The following RANBP3L variants were observed in gnomAD, a reference collection of about 807,000 sequenced individuals.
RANBP3L encodes RAN binding protein 3 like, also known as ran-binding protein 3-like.
A neutral mutation model predicts 67.2 loss-of-function variants in RANBP3L; 56 were observed. That is an observed-to-expected ratio of 0.83 (90% CI 0.67 to 1.04). The LOEUF (loss-of-function observed/expected upper bound fraction) is 1.04, where lower values mean the gene tolerates loss of function less well. Ranked by LOEUF, RANBP3L falls within the 50% of genes least tolerant of loss-of-function variation. The pLI, the probability that RANBP3L is intolerant of heterozygous loss-of-function variation, is 0.00. For missense variants in RANBP3L, 496 were observed against 535.5 expected (o/e 0.93, Z 0.73); for synonymous variants, 164 against 181.4 (o/e 0.90, Z 0.77).
chr5:36,296,057 C>T (rs1457652759), intron 1 of RANBP3L, among the ~76,000 whole-genome samples: 1 of 152,186 alleles, frequency 6.6e-6, no homozygotes, highest in Non-Finnish European at 1.5e-5. Flanking sequence ...CACACCCTGA[C>T]TCTGTGGAAG....
At chr5:36,271,354 T>G in intron 1 of RANBP3L, 43 bp from the exon 2 acceptor site, 5 of 1,220,514 alleles carry the variant, frequency 4.1e-6, no homozygotes, top group Non-Finnish European at 6.0e-6. Context: ...AAGCATACTC[T>G]GACATTTCTT....
chr5:36,276,590 CT>C (rs201825007), intron 1 of RANBP3L, among the ~76,000 whole-genome samples: 23 of 151,470 alleles, frequency 1.5e-4, no homozygotes, highest in East Asian at 1.9e-4. Flanking sequence ...TTACAATAAA[CT>C]TTTTTTTTCT....
At chr5:36,270,299 G>A (rs566199415) in intron 2 of RANBP3L, among the ~76,000 whole-genome samples, 174 of 152,272 alleles carry the variant, frequency 1.1e-3, no homozygotes, top group African/African-American at 4.0e-3. Flanking sequence ...AGTTTAAAAT[G>A]TGGATTTTGA....
At chr5:36,268,984 GCAGGTATGAGC>G (rs1750012730) in intron 4 of RANBP3L, among the ~76,000 whole-genome samples, 1 of 152,050 alleles carries the variant, frequency 6.6e-6, no homozygotes, top group Non-Finnish European at 1.5e-5. Flanking sequence ...TGCTGGGATT[GCAGGTATGAGC>G]CACCGCGCCC....
intron 1 of RANBP3L, among the ~76,000 whole-genome samples, chr5:36,278,968 T>C (rs1259874972): frequency 6.6e-6 from 1 of 152,174 alleles, no homozygotes; most frequent in African/African-American, 2.4e-5. Context: ...AAATTTAAGC[T>C]GGAAGCATAA....
intron 4 of RANBP3L, chr5:36,268,269 T>C: frequency 1.3e-6 from 2 of 1,524,170 alleles, no homozygotes; most frequent in Non-Finnish European, 1.8e-6. Flanking sequence ...AGGTTGACAC[T>C]AAAAGCAGAT....
chr5:36,277,309 T>C (rs1750641867), intron 1 of RANBP3L, among the ~76,000 whole-genome samples: 1 of 152,034 alleles, frequency 6.6e-6, no homozygotes, highest in South Asian at 2.1e-4. Context: ...TCTGGTTCTT[T>C]GGCTTGTCAA....
At chr5:36,296,692 G>T (rs899993518) in intron 1 of RANBP3L, among the ~76,000 whole-genome samples, 3 of 152,048 alleles carry the variant, frequency 2.0e-5, no homozygotes, top group African/African-American at 7.2e-5. Flanking sequence ...TGTCAGCTTG[G>T]CTGTTCCATG....
intron 12 of RANBP3L, among the ~76,000 whole-genome samples, chr5:36,252,928 T>C (rs1356466804): frequency 2.0e-5 from 3 of 152,134 alleles, no homozygotes; most frequent in African/African-American, 7.2e-5. Context: ...GAAGCCAATT[T>C]ATTTGTATTG....
At chr5:36,299,443 TG>T (rs1451674642) in intron 1 of RANBP3L, among the ~76,000 whole-genome samples, 2 of 151,878 alleles carry the variant, frequency 1.3e-5, no homozygotes, top group Non-Finnish European at 2.9e-5. Context: ...CAGGATAGCC[TG>T]GCTTAAAACA....
chr5:36,262,594 T>C (rs1749476483), intron 6 of RANBP3L, among the ~76,000 whole-genome samples: 1 of 152,116 alleles, frequency 6.6e-6, no homozygotes, highest in African/African-American at 2.4e-5. Context: ...AGTGAGGAAA[T>C]TTAGAATTGG....
intron 7 of RANBP3L, among the ~76,000 whole-genome samples, 155 bp downstream of exon 7, chr5:36,261,784 C>T (rs1749408254): frequency 6.6e-6 from 1 of 152,102 alleles, no homozygotes; most frequent in Non-Finnish European, 1.5e-5. Flanking sequence ...TTTTTAAAAA[C>T]ATTTTAAACT....
At chr5:36,281,841 A>G (rs772476804) in intron 1 of RANBP3L, among the ~76,000 whole-genome samples, 10 of 152,234 alleles carry the variant, frequency 6.6e-5, no homozygotes, top group Non-Finnish European at 1.0e-4. Context: ...AGAATGTGTT[A>G]CTTTTGACAG....
chr5:36,300,805 C>T (rs1752558047), intron 1 of RANBP3L, among the ~76,000 whole-genome samples: 1 of 152,134 alleles, frequency 6.6e-6, no homozygotes, highest in Non-Finnish European at 1.5e-5. Flanking sequence ...AATGAGTGCC[C>T]AGCAAGTGAA....
At chr5:36,300,637 C>A (rs767277680) in intron 1 of RANBP3L, among the ~76,000 whole-genome samples, 5 of 152,142 alleles carry the variant, frequency 3.3e-5, no homozygotes, top group Non-Finnish European at 4.4e-5. Context: ...CAGCCTTTCC[C>A]ACAAGTGTCA....
chr5:36,262,308 G>A (rs963333700), intron 6 of RANBP3L, among the ~76,000 whole-genome samples: 2 of 151,990 alleles, frequency 1.3e-5, no homozygotes, highest in African/African-American at 2.4e-5. Context: ...GTCTAATACC[G>A]GAATATCATA....
intron 7 of RANBP3L, among the ~76,000 whole-genome samples, 187 bp from the exon 8 acceptor site, chr5:36,261,051 G>T (rs6860085): frequency 0.078 from 11,896 of 152,208 alleles, 1,549 homozygotes; most frequent in African/African-American, 0.27. Flanking sequence ...TGTCAAAATA[G>T]TTTCCAGCTC....
intron 11 of RANBP3L, among the ~76,000 whole-genome samples, chr5:36,254,183 T>A (rs1748801011): frequency 1.4e-5 from 2 of 146,102 alleles, no homozygotes; most frequent in African/African-American, 5.0e-5. Flanking sequence ...ATGAACCCAT[T>A]AAGAATACTG....
At position 36,262,016 on chromosome 5, in the gene RANBP3L, T is replaced by A. The variant is rs765768147; in HGVS notation, c.507A>T (p.Leu169Phe). The A allele has an allele frequency of 6.2e-7, 1 of 1,600,488 alleles. No homozygotes were observed. The highest frequency in any genetic ancestry group is 2.2e-5 in the East Asian group (1 of 44,622). The change falls in exon 7 of 14, where the codon TTA becomes TTT. Residue 169 changes from leucine to phenylalanine, a missense_variant. Coordinates refer to ENST00000296604, the MANE Select transcript of RANBP3L (RefSeq NM_145000.5). ...TTCTAGCCCTTGATAAATTTTCACT[T>A]AACAAATAGGAATTTCCCTCAGAAA... Reference protein sequence around the residue: ...NKISEGNSYLLSENLSRARIS... With the variant: ...NKISEGNSYLFSENLSRARIS...
Sources: allele counts gnomAD v4.1 joint callset (sites outside exome capture counted in the v4.1 genomes callset), GRCh38; gene constraint gnomAD v4.1.1; transcripts MANE v1.5; gene names NCBI Gene and HGNC (gene_info 2026-07-23, HGNC 2026-07-21).